The following RPL22 variants were observed in gnomAD, a reference collection of about 807,000 sequenced individuals.
The protein encoded by RPL22 is large ribosomal subunit protein eL22.
In RPL22, 4 loss-of-function variants were observed where a neutral mutation model predicts 16.2. The ratio of observed to expected loss-of-function variants is 0.25; its 90% CI spans 0.12 to 0.57. RPL22 has a LOEUF of 0.57. RPL22 is among the 20% of genes least tolerant of loss of function. The pLI is 0.92. For synonymous variants in RPL22, 43 were observed against 54.8 expected (o/e 0.78, Z 0.95); for missense variants, 83 against 156.1 (o/e 0.53, Z 2.49).
Position 6,186,467 on chromosome 1 carries a change from G to C in RPL22, c.*205C>G. Reference sequence around the variant, plus strand: ...AAAGTCACCCTCTCCTTCTACTCTGGTATTACCACGAGAATTGAAATTTTT... The same window carrying C: ...AAAGTCACCCTCTCCTTCTACTCTGCTATTACCACGAGAATTGAAATTTTT... On this transcript the variant is annotated 3_prime_UTR_variant, in exon 4 of 4. Coordinates refer to ENST00000234875, the MANE Select transcript of RPL22 (RefSeq NM_000983.4). 2 of 443,904 alleles carry C rather than the reference G, an allele frequency of 4.5e-6. No individual in the cohort carries two copies. Among genetic ancestry groups the C allele is most frequent in the South Asian group, 5.0e-5 (2 of 39,676 alleles). 27.5% of individuals were successfully genotyped at this position (443,904 alleles called of 1,614,324 possible).
At position 6,193,111 on chromosome 1, in the gene RPL22, T is replaced by C. The variant is rs1667672688; in HGVS notation, c.118-57A>G. 2.5e-6 allele frequency: 4 copies of C among 1,588,370 alleles called. No homozygotes were observed. In the East Asian group the frequency reaches 8.9e-5, roughly 35 times the overall value. On this transcript the variant is annotated intron_variant, in intron 2 of 3. Transcript: ENST00000234875. Reference sequence around the variant, plus strand: ...GACAAGTTCATCTGTCTCAACAGAATATTTTATCTGTCTCCCAACACTGAA... The same window carrying C: ...GACAAGTTCATCTGTCTCAACAGAACATTTTATCTGTCTCCCAACACTGAA...
At position 6,186,231 on chromosome 1, in the gene RPL22, C is replaced by T. The variant is rs1345519293; in HGVS notation, c.*441G>A. ...AAGTAAGACGAATGGCCCAGAAACCCGCATTTTATTGACAGTCATTTTCCC... is the reference window on the plus strand; with the variant it reads ...AAGTAAGACGAATGGCCCAGAAACCTGCATTTTATTGACAGTCATTTTCCC... On this transcript the variant is annotated 3_prime_UTR_variant, in exon 4 of 4. Transcript: ENST00000234875. 1.3e-5 allele frequency: 3 copies of T among 239,206 alleles called. No homozygotes were observed. The highest frequency in any genetic ancestry group is 2.5e-5 in the Non-Finnish European group (3 of 122,430). 14.8% of individuals were successfully genotyped at this position (239,206 alleles called of 1,614,324 possible).
chr1:6,199,582 C>T lies in RPL22; in HGVS notation c.-9G>A, dbSNP rs1022935611. 3.8e-6 allele frequency: 6 copies of T among 1,568,280 alleles called. No individual in the cohort carries two copies. Among genetic ancestry groups the T allele is most frequent in the African/African-American group, 2.7e-5 (2 of 73,858 alleles). On this transcript the variant is annotated 5_prime_UTR_variant, in exon 1 of 4. Transcript: ENST00000234875. ...CTAACCACAGGAGCCATGGCGGCAGCGGAGTTAGAAAGGGAGGTGAGCGAA... is the reference window on the plus strand; with the variant it reads ...CTAACCACAGGAGCCATGGCGGCAGTGGAGTTAGAAAGGGAGGTGAGCGAA...
At chr1:6,197,887 G>T in intron 1 of RPL22, 131 bp from the exon 2 acceptor site, 1 of 719,390 alleles carries the variant, frequency 1.4e-6, no homozygotes, top group Non-Finnish European at 2.4e-6. Flanking sequence ...TGCTCCCTTT[G>T]CCAGAGGGCC....
Position 6,186,493 on chromosome 1 carries a change from A to C in RPL22, c.*179T>G. Reference sequence around the variant, plus strand: ...TATTACCACGAGAATTGAAATTTTTAAGCAGAAAAAAAAAGAAGTCAAGTT... The same window carrying C: ...TATTACCACGAGAATTGAAATTTTTCAGCAGAAAAAAAAAGAAGTCAAGTT... On this transcript the variant is annotated 3_prime_UTR_variant, in exon 4 of 4. Coordinates refer to ENST00000234875, the MANE Select transcript of RPL22 (RefSeq NM_000983.4). 1 of 487,920 alleles carries C rather than the reference A, an allele frequency of 2.0e-6. No individual in the cohort carries two copies. 30.2% of individuals were successfully genotyped at this position (487,920 alleles called of 1,614,324 possible). A position where few individuals can be genotyped will look rare whatever the true frequency, so the allele number is the denominator to read the frequency against.
In RPL22 at chr1:6,186,780, C is replaced by A. The variant is rs1215724382; in HGVS notation, c.279G>T (p.Lys93Asn). The change falls in exon 4 of 4, where the codon AAG (lysine) becomes AAT (asparagine). Residue 93 changes from lysine to asparagine, a missense_variant. Transcript: ENST00000234875. ...CGCGCAACCAGTCACGTAGATTATT[C>A]TTCTTCAAATATTTTTTGGTGAGAT... ...LKYLTKKYLK[K>N]NNLRDWLRVV... 7 of 1,612,846 alleles carry A rather than the reference C, an allele frequency of 4.3e-6. No homozygotes were observed. Among genetic ancestry groups the A allele is most frequent in the African/African-American group, 1.3e-5 (1 of 74,858 alleles).
At chr1:6,198,879 G>C (rs938510290) in intron 1 of RPL22, 1 of 152,222 alleles carries the variant, frequency 6.6e-6, no homozygotes. Context: ...ATGTTAACCA[G>C]GGAGTCCCAA....
At chr1:6,191,665 ACT>A (rs1183533100) in intron 3 of RPL22, among the ~76,000 whole-genome samples, 49 of 138,462 alleles carry the variant, frequency 3.5e-4, no homozygotes, top group Non-Finnish European at 1.5e-5. Flanking sequence ...ACAAAGCGAG[ACT>A]CTGTCTCCAA....
chr1:6,199,369 C>T, intron 1 of RPL22, 193 bp downstream of exon 1: 1 of 1,329,660 alleles, frequency 7.5e-7, no homozygotes, highest in Non-Finnish European at 9.7e-7. Flanking sequence ...CCCTCACGAG[C>T]CTCGGGCCGC....
chr1:6,195,811 C>G (rs1667708717), intron 2 of RPL22, among the ~76,000 whole-genome samples: 3 of 151,518 alleles, frequency 2.0e-5, no homozygotes, highest in East Asian at 1.9e-4. Flanking sequence ...GCCTGTAATC[C>G]CAGCACTTTG....
chr1:6,198,038 T>A (rs1667743007), intron 1 of RPL22: 2 of 416,230 alleles, frequency 4.8e-6, no homozygotes, highest in Non-Finnish European at 8.6e-6. Context: ...CTCCCCAATC[T>A]CTACAGGCAT....
At chr1:6,188,559 A>T in intron 3 of RPL22, among the ~76,000 whole-genome samples, 1 of 151,074 alleles carries the variant, frequency 6.6e-6, no homozygotes, top group East Asian at 1.9e-4. Context: ...AAAAAAAAAA[A>T]GATGAAGTGC....
At chr1:6,193,182 C>A in intron 2 of RPL22, 128 bp from the exon 3 acceptor site, 1 of 1,116,870 alleles carries the variant, frequency 9.0e-7, no homozygotes, top group Non-Finnish European at 1.3e-6. Flanking sequence ...GTCTCACCAG[C>A]GCAATCACAG....
intron 3 of RPL22, among the ~76,000 whole-genome samples, chr1:6,188,581 G>A (rs115323483): frequency 0.013 from 1,904 of 150,816 alleles, 46 homozygotes; most frequent in African/African-American, 0.043. Flanking sequence ...CCACAGTCTT[G>A]GCAGCTCTCT....
At chr1:6,198,640 G>A (rs545645885) in intron 1 of RPL22, 7 of 152,290 alleles carry the variant, frequency 4.6e-5, no homozygotes, top group African/African-American at 1.4e-4. Flanking sequence ...TAAAACTTGT[G>A]TTAACTGGAT....
intron 3 of RPL22, among the ~76,000 whole-genome samples, chr1:6,188,315 A>T (rs1237648064): frequency 2.0e-5 from 3 of 151,988 alleles, no homozygotes; most frequent in African/African-American, 7.3e-5. Context: ...TATAGCTGTG[A>T]GCCACTGCGA....
At chr1:6,189,735 CATG>C in intron 3 of RPL22, among the ~76,000 whole-genome samples, 1 of 151,802 alleles carries the variant, frequency 6.6e-6, no homozygotes, top group Non-Finnish European at 1.5e-5. Context: ...GCCTGGCCAA[CATG>C]ATGAAACCCC....
Position 6,185,387 on chromosome 1 carries a change from C to CT in RPL22, c.*1284dup. ...GCAGAGAAGAAATATGCAAGCAATT[C>CT]TGCTTCAAAGAAATTTGCATAGAAA... On this transcript the variant is annotated 3_prime_UTR_variant, in exon 4 of 4. Coordinates refer to ENST00000234875, the MANE Select transcript of RPL22 (RefSeq NM_000983.4). The CT allele has an allele frequency of 2.5e-6, 1 of 399,050 alleles. No individual in the cohort carries two copies. The highest frequency in any genetic ancestry group is 4.4e-6 in the Non-Finnish European group (1 of 226,058). The allele number at this position is 399,050 out of a possible 1,614,324, so 24.7% of individuals were successfully genotyped here. A position where few individuals can be genotyped will look rare whatever the true frequency, so the allele number is the denominator to read the frequency against.
chr1:6,193,593 G>C (rs924472581), intron 2 of RPL22, among the ~76,000 whole-genome samples: 3 of 152,058 alleles, frequency 2.0e-5, no homozygotes, highest in Admixed American at 1.3e-4. Context: ...AAAGTGCTGG[G>C]ATTACAGGCG....
Sources: allele counts gnomAD v4.1 joint callset (sites outside exome capture counted in the v4.1 genomes callset), GRCh38; gene constraint gnomAD v4.1.1; transcripts MANE v1.5; gene names NCBI Gene and HGNC (gene_info 2026-07-23, HGNC 2026-07-21).